Variants in PDGFD observed in about 807,000 individuals in gnomAD.
PDGFD encodes platelet derived growth factor D.
A neutral mutation model predicts 44.7 loss-of-function variants in PDGFD; 30 were observed. That is an observed-to-expected ratio of 0.67 (90% confidence interval 0.50 to 0.91). The LOEUF (loss-of-function observed/expected upper bound fraction) is 0.91. Among genes scored for constraint, PDGFD ranks in the 40% least tolerant of loss-of-function variants. PDGFD has a pLI of 0.00. For missense variants in PDGFD, 445 were observed against 457.8 expected, an observed-to-expected ratio of 0.97 and a Z score of 0.25; for synonymous variants, 173 against 168.4, an observed-to-expected ratio of 1.03 and a Z score of -0.21.
At chr11:104,126,495 G>A (rs1014781028) in intron 1 of PDGFD, among the ~76,000 whole-genome samples, 1 of 152,098 alleles carries the variant, frequency 6.6e-6, no homozygotes, top group Non-Finnish European at 1.5e-5. Context: ...AATTCCAATT[G>A]TTTTAACAGT....
chr11:104,001,360 T>G (rs1249058834), intron 1 of PDGFD, among the ~76,000 whole-genome samples: 1 of 152,244 alleles, frequency 6.6e-6, no homozygotes, highest in African/African-American at 2.4e-5. Flanking sequence ...CTTCTTTATT[T>G]AGCTGGTCCT....
intron 1 of PDGFD, among the ~76,000 whole-genome samples, chr11:104,017,264 T>A (rs1426302098): frequency 6.6e-6 from 1 of 152,170 alleles, no homozygotes; most frequent in Non-Finnish European, 1.5e-5. Flanking sequence ...AGCCACCTGG[T>A]GTGCGGTATT....
intron 1 of PDGFD, among the ~76,000 whole-genome samples, chr11:104,121,862 T>C (rs1386558796): frequency 4.6e-5 from 7 of 152,106 alleles, no homozygotes; most frequent in African/African-American, 1.2e-4. Context: ...ATTTTTCACA[T>C]ACATTATTCA....
At chr11:103,995,154 T>TACAG (rs1859516717) in intron 3 of PDGFD, among the ~76,000 whole-genome samples, 1 of 152,142 alleles carries the variant, frequency 6.6e-6, no homozygotes, top group South Asian at 2.1e-4. Flanking sequence ...GTGTTGGGAT[T>TACAG]ACAGGCATGA....
At chr11:104,022,679 A>T (rs1260086320) in intron 1 of PDGFD, among the ~76,000 whole-genome samples, 1 of 152,030 alleles carries the variant, frequency 6.6e-6, no homozygotes, top group Non-Finnish European at 1.5e-5. Flanking sequence ...TTGAACCTTA[A>T]CAAATATTTA....
At chr11:104,120,668 TC>T (rs947657006) in intron 1 of PDGFD, among the ~76,000 whole-genome samples, 36 of 152,024 alleles carry the variant, frequency 2.4e-4, no homozygotes, top group African/African-American at 8.7e-4. Flanking sequence ...CCATTCTGTT[TC>T]TTTATTAATT....
chr11:104,101,030 G>T (rs185700360), intron 1 of PDGFD, among the ~76,000 whole-genome samples: 3,199 of 152,194 alleles, frequency 0.021, 54 homozygotes, highest in Non-Finnish European at 0.033. Flanking sequence ...CATTCCCTTT[G>T]AAAACTGGCA....
At position 104,033,737 on chromosome 11, in the gene PDGFD, A is replaced by C. The variant is rs80177496; in HGVS notation, c.125-33482T>G. Among the ~76,000 whole-genome samples the C allele has an allele frequency of 2.4e-3, 369 of 152,306 alleles. 1 individual carries two copies. Among genetic ancestry groups the C allele is most frequent in the Non-Finnish European group, 3.9e-3 (267 of 68,024 alleles). The stretch of plus-strand genomic sequence containing the variant: ...CAAAGCTATTTGGGGAAAAAAGATA[A>C]AGGAAAACTGAATTAAAGTCTTACT... On this transcript the variant is annotated intron_variant, in intron 1 of 6. Transcript: ENST00000393158.
intron 3 of PDGFD, among the ~76,000 whole-genome samples, chr11:103,961,210 GT>G (rs1858930626): frequency 6.6e-6 from 1 of 152,146 alleles, no homozygotes; most frequent in African/African-American, 2.4e-5. Context: ...AGAATGACTA[GT>G]CATTGAATTG....
chr11:104,037,686 G>A lies in PDGFD; in HGVS notation c.125-37431C>T, dbSNP rs369975321. On this transcript the variant is annotated intron_variant, in intron 1 of 6. Transcript: ENST00000393158. ...GGCTGGTGGACCGACGGTGGGCTGG[G>A]GTTGCTAAAGGAGTGGGCACACAGA... 38 of 1,614,118 alleles carry A rather than the reference G, an allele frequency of 2.4e-5. No homozygotes were observed. The African/African-American group carries it at 4.5e-4, about 19-fold the overall frequency.
At chr11:104,055,835 C>G (rs992417863) in intron 1 of PDGFD, among the ~76,000 whole-genome samples, 4 of 152,190 alleles carry the variant, frequency 2.6e-5, no homozygotes, top group African/African-American at 9.6e-5. Context: ...TTTTGCTACC[C>G]CACTCTCCTC....
intron 6 of PDGFD, among the ~76,000 whole-genome samples, chr11:103,918,869 CT>C (rs1858166312): frequency 6.6e-6 from 1 of 152,098 alleles, no homozygotes; most frequent in African/African-American, 2.4e-5. Flanking sequence ...AATGAAAAGC[CT>C]TTATCTGAGA....
chr11:104,088,381 A>G (rs566427890), intron 1 of PDGFD, among the ~76,000 whole-genome samples: 127 of 152,354 alleles, frequency 8.3e-4, no homozygotes, highest in Middle Eastern at 3.4e-3. Context: ...GTGGAGCTCA[A>G]TACATCACTT....
intron 1 of PDGFD, chr11:104,037,109 TCAGTGG>T (rs973684155): frequency 6.2e-7 from 1 of 1,614,030 alleles, no homozygotes; most frequent in Non-Finnish European, 8.5e-7. Context: ...CGTGTAGACT[TCAGTGG>T]CATTGCGGTG....
At chr11:103,940,061 C>G (rs973802207) in intron 5 of PDGFD, among the ~76,000 whole-genome samples, 1 of 151,724 alleles carries the variant, frequency 6.6e-6, no homozygotes, top group African/African-American at 2.4e-5. Context: ...TCTGTTTCCT[C>G]TCTCTCTCTT....
intron 1 of PDGFD, among the ~76,000 whole-genome samples, chr11:104,134,886 C>T (rs1861979756): frequency 6.6e-6 from 1 of 152,162 alleles, no homozygotes; most frequent in Admixed American, 6.5e-5. Flanking sequence ...CTCAGCTTAG[C>T]TTTCATGACT....
chr11:104,042,079 A>G (rs1370142677), intron 1 of PDGFD, among the ~76,000 whole-genome samples: 1 of 152,210 alleles, frequency 6.6e-6, no homozygotes, highest in East Asian at 1.9e-4. Flanking sequence ...CCTGGAAAAC[A>G]AAGAAGAGGA....
intron 1 of PDGFD, among the ~76,000 whole-genome samples, chr11:104,014,255 G>C (rs574429030): frequency 6.6e-6 from 1 of 152,292 alleles, no homozygotes; most frequent in South Asian, 2.1e-4. Flanking sequence ...CAGCATATTT[G>C]GGAGGCCAAG....
chr11:104,134,606 C>T (rs985701254), intron 1 of PDGFD, among the ~76,000 whole-genome samples: 1 of 152,208 alleles, frequency 6.6e-6, no homozygotes, highest in African/African-American at 2.4e-5. Flanking sequence ...TTATTAAGCA[C>T]TTCCAATGTG....
Sources: allele counts gnomAD v4.1 joint callset (sites outside exome capture counted in the v4.1 genomes callset), GRCh38; gene constraint gnomAD v4.1.1; transcripts MANE v1.5; gene names NCBI Gene and HGNC (gene_info 2026-07-23, HGNC 2026-07-21).